SMYD4: variants seen among roughly 807,000 people sequenced by gnomAD.
SMYD4 encodes SET and MYND domain containing 4, also known as protein-lysine N-methyltransferase SMYD4.
A neutral mutation model predicts 72.8 loss-of-function variants in SMYD4; 68 were observed. That is an observed-to-expected ratio of 0.93 (90% CI 0.77 to 1.14). SMYD4 has a LOEUF of 1.14. Ranked by LOEUF, SMYD4 falls within the 50% of genes most tolerant of loss-of-function variation. The pLI, the probability that SMYD4 is intolerant of heterozygous loss-of-function variation, is 0.00. For synonymous variants in SMYD4, 407 were observed against 388.6 expected, an observed-to-expected ratio of 1.05 and a Z score of -0.56; for missense variants, 984 against 1,003.7, an observed-to-expected ratio of 0.98 and a Z score of 0.27.
intron 3 of SMYD4, among the ~76,000 whole-genome samples, chr17:1,810,777 T>C (rs1201603750): frequency 1.3e-5 from 2 of 152,204 alleles, no homozygotes; most frequent in Non-Finnish European, 2.9e-5. Context: ...AGCTGGATGT[T>C]GTCAGGAGTA....
intron 2 of SMYD4, among the ~76,000 whole-genome samples, chr17:1,817,941 G>C (rs1910706862): frequency 6.6e-6 from 1 of 151,680 alleles, no homozygotes; most frequent in Non-Finnish European, 1.5e-5. Context: ...CAGCTACTCG[G>C]GAGGCTGAGG....
At chr17:1,821,343 C>T (rs534750431) in intron 2 of SMYD4, among the ~76,000 whole-genome samples, 14 of 151,656 alleles carry the variant, frequency 9.2e-5, no homozygotes, top group Admixed American at 5.3e-4. Flanking sequence ...GGAGAAGTCC[C>T]GTCTCTACTA....
chr17:1,813,877 G>A (rs1224301536), intron 2 of SMYD4, among the ~76,000 whole-genome samples: 2 of 152,016 alleles, frequency 1.3e-5, no homozygotes, highest in Non-Finnish European at 2.9e-5. Flanking sequence ...CCAATAAAAA[G>A]AAATAATATA....
chr17:1,779,968 G>A lies in SMYD4; in HGVS notation c.*1318C>T, dbSNP rs1908284259. On this transcript the variant is annotated 3_prime_UTR_variant, in exon 11 of 11. Transcript: ENST00000305513. The stretch of plus-strand genomic sequence containing the variant: ...GAGGTGGAATCCAGCCAAAACCCCA[G>A]GCTAACATCCAGATGCCTGCAGATC... 1 of 152,618 alleles carries A rather than the reference G, an allele frequency of 6.6e-6. No individual in the cohort carries two copies. The highest frequency in any genetic ancestry group is 1.5e-5 in the Non-Finnish European group (1 of 68,042). 9.5% of individuals were successfully genotyped at this position (152,618 alleles called of 1,614,324 possible).
At chr17:1,784,180 A>G in intron 8 of SMYD4, 146 bp downstream of exon 8, 1 of 1,281,680 alleles carries the variant, frequency 7.8e-7, no homozygotes, top group Non-Finnish European at 1.1e-6. Flanking sequence ...GTTTGGACTC[A>G]CTGGCCTATA....
intron 4 of SMYD4, among the ~76,000 whole-genome samples, chr17:1,802,795 C>T (rs114594644): frequency 1.3e-5 from 2 of 150,836 alleles, no homozygotes; most frequent in African/African-American, 4.8e-5. Context: ...AATACAAATG[C>T]CAGATGCCTC....
At chr17:1,809,746 T>G (rs534996934) in intron 3 of SMYD4, among the ~76,000 whole-genome samples, 2 of 150,546 alleles carry the variant, frequency 1.3e-5, no homozygotes, top group South Asian at 2.1e-4. Context: ...CTCGGCTCAC[T>G]GCAAGCTCCG....
In SMYD4 at chr17:1,781,363, C is replaced by A. The variant is rs1244195482; in HGVS notation, c.2338G>T (p.Asp780Tyr). 2 of 1,613,958 alleles carry A rather than the reference C, an allele frequency of 1.2e-6. No individual in the cohort carries two copies. Among genetic ancestry groups the A allele is most frequent in the Non-Finnish European group, 1.7e-6 (2 of 1,180,044 alleles). Residue 780 changes from aspartate to tyrosine, a missense_variant, in exon 11 of 11, where the codon GAT becomes TAT. Asp to Tyr is a radical substitution (Grantham distance 160). Transcript: ENST00000305513. ...ATCTTCTGGAGCTCCTGGATTTCATCGTCCCATGGGCCACAGTGCAGCGAC... is the reference window on the plus strand; with the variant it reads ...ATCTTCTGGAGCTCCTGGATTTCATAGTCCCATGGGCCACAGTGCAGCGAC... Reference protein sequence around the residue: ...VLSLHCGPWDDEIQELQKMKS... With the variant: ...VLSLHCGPWDYEIQELQKMKS...
Position 1,828,599 on chromosome 17 carries a change from CT to C in SMYD4, c.-12-594del, listed in dbSNP as rs374636473. On this transcript the variant is annotated intron_variant, in intron 1 of 10. Coordinates refer to ENST00000305513, the MANE Select transcript of SMYD4 (RefSeq NM_052928.3). The stretch of plus-strand genomic sequence containing the variant: ...GCTACCATCTGTGCTCTTAGATCCT[CT>C]TTTTTTTTTTTTTGTGAGGCAGAGT... Among the ~76,000 whole-genome samples the C allele has an allele frequency of 6.6e-3, 809 of 121,726 alleles. 7 individuals are homozygous for C. Among genetic ancestry groups the C allele is most frequent in the African/African-American group, 0.025 (704 of 28,450 alleles). 79.9% of individuals were successfully genotyped at this position (121,726 alleles called of 152,430 possible).
intron 5 of SMYD4, among the ~76,000 whole-genome samples, chr17:1,797,428 T>C (rs1462776835): frequency 6.6e-6 from 1 of 152,348 alleles, no homozygotes; most frequent in South Asian, 2.1e-4. Flanking sequence ...ACACTGGAGA[T>C]GTCAAGCTGG....
At chr17:1,785,844 A>G (rs1388299162) in intron 7 of SMYD4, among the ~76,000 whole-genome samples, 1 of 152,006 alleles carries the variant, frequency 6.6e-6, no homozygotes, top group Non-Finnish European at 1.5e-5. Flanking sequence ...TGGGTCTCCA[A>G]GTTTAGCTTT....
At position 1,787,566 on chromosome 17, in the gene SMYD4, G is replaced by A. The variant is rs368250516; in HGVS notation, c.1576C>T (p.Arg526Cys). ...ACAGGGAAGATGCCTGTGGCAAGGC[G>A]CACCTGCCTGCTGTCGGTAACGATG... Reference protein sequence around the residue: ...GSIVTDSRQVRLATGIFPVIS... With the variant: ...GSIVTDSRQVCLATGIFPVIS... Residue 526 changes from arginine (R) to cysteine (C), a missense_variant, in exon 6 of 11, where the codon CGC (arginine) becomes TGC (cysteine). By Grantham distance (180) the Arg-to-Cys change is radical. Coordinates refer to ENST00000305513, the MANE Select transcript of SMYD4 (RefSeq NM_052928.3). 3.4e-5 allele frequency: 55 copies of A among 1,594,614 alleles called. No homozygotes were observed. Among genetic ancestry groups the A allele is most frequent in the Middle Eastern group, 3.3e-4 (2 of 5,986 alleles).
At chr17:1,821,172 T>C (rs994597401) in intron 2 of SMYD4, among the ~76,000 whole-genome samples, 2 of 152,164 alleles carry the variant, frequency 1.3e-5, no homozygotes, top group Admixed American at 1.3e-4. Context: ...GTTCAATCAA[T>C]TTAATACTCT....
At chr17:1,828,532 C>T (rs1291829891) in intron 1 of SMYD4, among the ~76,000 whole-genome samples, 2 of 151,424 alleles carry the variant, frequency 1.3e-5, no homozygotes, top group African/African-American at 4.9e-5. Flanking sequence ...GTCACAGGCA[C>T]CATGCAGGTG....
intron 1 of SMYD4, among the ~76,000 whole-genome samples, chr17:1,828,916 C>T (rs1911362919): frequency 6.6e-6 from 1 of 152,076 alleles, no homozygotes; most frequent in Admixed American, 6.6e-5. Context: ...TCTAGTTTCT[C>T]TGAGACACAT....
chr17:1,819,735 T>C (rs1480469191), intron 2 of SMYD4, among the ~76,000 whole-genome samples: 1 of 152,230 alleles, frequency 6.6e-6, no homozygotes. Flanking sequence ...CTCCTTTTCC[T>C]TCTTTTACTT....
At chr17:1,812,912 C>T (rs999847202) in intron 2 of SMYD4, among the ~76,000 whole-genome samples, 3 of 150,914 alleles carry the variant, frequency 2.0e-5, no homozygotes, top group South Asian at 2.1e-4. Context: ...TATTGGCCAA[C>T]GAACCATCCC....
At position 1,787,280 on chromosome 17, in the gene SMYD4, G is replaced by T. The variant is rs1024597202; in HGVS notation, c.1720+142C>A. On this transcript the variant is annotated intron_variant, in intron 6 of 10. Transcript: ENST00000305513. Reference sequence around the variant, plus strand: ...CCATTCCTTCCATCCTCCCTTCCTTGTTTTTGGCCTAAGTGTTCACTGCCT... The same window carrying T: ...CCATTCCTTCCATCCTCCCTTCCTTTTTTTTGGCCTAAGTGTTCACTGCCT... 5.4e-6 allele frequency: 6 copies of T among 1,109,328 alleles called. No individual in the cohort carries two copies. The African/African-American group carries it at 6.2e-5, about 12-fold the overall frequency. 68.7% of individuals were successfully genotyped at this position (1,109,328 alleles called of 1,614,324 possible).
Position 1,781,093 on chromosome 17 carries a change from G to C in SMYD4, c.*193C>G. ...CACCACCACGCCTGGCTAGTTTTTTGTATTTTTAGTAAAGATGGGGTTTCA... is the reference window on the plus strand; with the variant it reads ...CACCACCACGCCTGGCTAGTTTTTTCTATTTTTAGTAAAGATGGGGTTTCA... On this transcript the variant is annotated 3_prime_UTR_variant, in exon 11 of 11. Transcript: ENST00000305513. 1 of 573,964 alleles carries C rather than the reference G, an allele frequency of 1.7e-6. No individual in the cohort carries two copies. The highest frequency in any genetic ancestry group is 2.8e-6 in the Non-Finnish European group (1 of 359,772). The allele number at this position is 573,964 out of a possible 1,614,324, so 35.6% of individuals were successfully genotyped here. A position where few individuals can be genotyped will look rare whatever the true frequency, so the allele number is the denominator to read the frequency against.
Sources: allele counts gnomAD v4.1 joint callset (sites outside exome capture counted in the v4.1 genomes callset), GRCh38; gene constraint gnomAD v4.1.1; transcripts MANE v1.5; gene names NCBI Gene and HGNC (gene_info 2026-07-23, HGNC 2026-07-21).